Variants in CACHD1 observed in about 807,000 individuals in gnomAD.
CACHD1 encodes cache domain containing 1.
CACHD1 carries 71 observed loss-of-function variants against 138.7 expected under a neutral mutation model. The observed-to-expected ratio is 0.51, with a 90% CI of 0.42 to 0.62. The LOEUF (loss-of-function observed/expected upper bound fraction) is 0.62, where lower values mean the gene tolerates loss of function less well. Ranked by LOEUF, CACHD1 falls within the 20% of genes least tolerant of loss-of-function variation. The probability of loss-of-function intolerance (pLI) is 0.00; values close to 1 mark genes in which losing one functional copy is unlikely to be tolerated. For missense variants in CACHD1, 1,389 were observed against 1,625.3 expected, an observed-to-expected ratio of 0.85 and a Z score of 2.50; for synonymous variants, 578 against 591.5, an observed-to-expected ratio of 0.98 and a Z score of 0.33.
intron 6 of CACHD1, among the ~76,000 whole-genome samples, chr1:64,633,686 A>AC (rs1648393790): frequency 6.6e-6 from 1 of 152,082 alleles, no homozygotes; most frequent in African/African-American, 2.4e-5. Context: ...AAACACACAC[A>AC]CCTCACTCTC....
chr1:64,689,783 T>G (rs1372690133), intron 26 of CACHD1, among the ~76,000 whole-genome samples: 1 of 152,182 alleles, frequency 6.6e-6, no homozygotes, highest in African/African-American at 2.4e-5. Context: ...TTTCTTTATA[T>G]CCACTTATCA....
intron 10 of CACHD1, among the ~76,000 whole-genome samples, chr1:64,652,763 A>G (rs1649136842): frequency 6.6e-6 from 1 of 152,218 alleles, no homozygotes; most frequent in African/African-American, 2.4e-5. Context: ...GCAAGGTTGC[A>G]GAGAAAAGGG....
chr1:64,574,868 C>T (rs547301554), intron 2 of CACHD1, among the ~76,000 whole-genome samples: 22 of 152,266 alleles, frequency 1.4e-4, no homozygotes, highest in Middle Eastern at 3.4e-3. Flanking sequence ...GACTACAGCC[C>T]TCTGTGCCAT....
intron 2 of CACHD1, among the ~76,000 whole-genome samples, chr1:64,565,304 C>T (rs1646872625): frequency 6.6e-6 from 1 of 151,872 alleles, no homozygotes; most frequent in Admixed American, 6.6e-5. Context: ...GTTGATTGTG[C>T]TTGCTAAATG....
intron 14 of CACHD1, 159 bp from the exon 15 acceptor site, chr1:64,664,339 T>C: frequency 1.6e-6 from 1 of 641,544 alleles, no homozygotes; most frequent in East Asian, 2.7e-5. Context: ...AGCTTTTATT[T>C]TCACCAAGTT....
rs187559432 is a variant in CACHD1 at position 64,671,408 on chromosome 1, A to G, written c.2388-156A>G. Among the ~76,000 whole-genome samples the G allele has an allele frequency of 2.7e-4, 41 of 152,328 alleles. 1 individual carries two copies. The East Asian group carries it at 7.7e-3, about 29-fold the overall frequency. ...TCATAAAATTTCCATGTTGTGTTAA[A>G]TCAGTCACTTAGTTGATCATTTTTG... On this transcript the variant is annotated intron_variant, in intron 16 of 26. Coordinates refer to ENST00000651257, the MANE Select transcript of CACHD1 (RefSeq NM_020925.4).
chr1:64,664,746 T>C, intron 15 of CACHD1, 67 bp downstream of exon 15: 1 of 1,423,098 alleles, frequency 7.0e-7, no homozygotes, highest in Admixed American at 2.0e-5. Context: ...GGTAAGTACA[T>C]ACAATAAAGC....
At chr1:64,608,245 A>T (rs1045895045) in intron 4 of CACHD1, among the ~76,000 whole-genome samples, 4 of 152,210 alleles carry the variant, frequency 2.6e-5, no homozygotes, top group African/African-American at 9.6e-5. Context: ...CAGTGGCTAC[A>T]TCCCAAAGTC....
chr1:64,507,992 G>T (rs947784668), intron 1 of CACHD1, among the ~76,000 whole-genome samples: 5 of 152,198 alleles, frequency 3.3e-5, no homozygotes, highest in South Asian at 2.1e-4. Flanking sequence ...TTGGCTCAGG[G>T]TTTCATAGGC....
intron 1 of CACHD1, among the ~76,000 whole-genome samples, chr1:64,539,313 G>C (rs949303212): frequency 2.6e-5 from 4 of 151,966 alleles, no homozygotes; most frequent in African/African-American, 9.7e-5. Context: ...TTTATTTCTT[G>C]GCAAATATAC....
At chr1:64,635,670 C>T (rs1420885581) in intron 7 of CACHD1, among the ~76,000 whole-genome samples, 2 of 151,724 alleles carry the variant, frequency 1.3e-5, no homozygotes, top group Non-Finnish European at 2.9e-5. Flanking sequence ...TGTGAGCCAC[C>T]ACGCCTGGCC....
intron 1 of CACHD1, among the ~76,000 whole-genome samples, chr1:64,548,081 G>A (rs1241653246): frequency 1.3e-5 from 2 of 152,176 alleles, no homozygotes; most frequent in Non-Finnish European, 2.9e-5. Context: ...GATAATAAAT[G>A]AGTAAAATAG....
At chr1:64,624,289 G>A (rs1252763832) in intron 4 of CACHD1, among the ~76,000 whole-genome samples, 1 of 152,138 alleles carries the variant, frequency 6.6e-6, no homozygotes, top group Non-Finnish European at 1.5e-5. Context: ...GATCTTTTGT[G>A]GTGAGACTAA....
chr1:64,515,165 T>C (rs994352641), intron 1 of CACHD1, among the ~76,000 whole-genome samples: 4 of 152,250 alleles, frequency 2.6e-5, no homozygotes, highest in African/African-American at 9.6e-5. Context: ...GTATTAATTC[T>C]TAGATTTTCC....
At chr1:64,573,150 A>G (rs1646939110) in intron 2 of CACHD1, among the ~76,000 whole-genome samples, 2 of 152,106 alleles carry the variant, frequency 1.3e-5, no homozygotes, top group African/African-American at 4.8e-5. Context: ...CCCCAATGTG[A>G]TGGTATTTGG....
intron 1 of CACHD1, among the ~76,000 whole-genome samples, chr1:64,521,661 C>T (rs956313483): frequency 1.3e-5 from 2 of 152,090 alleles, no homozygotes; most frequent in African/African-American, 4.8e-5. Context: ...AATAATGCTG[C>T]TGTAAGTGTT....
At position 64,647,955 on chromosome 1, in the gene CACHD1, C is replaced by G. The variant is rs1648966435; in HGVS notation, c.1311C>G (p.Gly437=). The stretch of plus-strand genomic sequence containing the variant: ...TGAGCAACCTGGAGACCACAGTGGG[C>G]AGGTTCTACACAAACCTTCCCAACC... ...NQLSNLETTV[G]RFYTNLPNRM... is the part of the protein sequence containing the mutation. Residue 437 remains glycine, a synonymous_variant, in exon 9 of 27, where the codon GGC becomes GGG. Transcript: ENST00000651257. The G allele has an allele frequency of 3.1e-6, 5 of 1,613,930 alleles. No individual in the cohort carries two copies. In the South Asian group the frequency reaches 5.5e-5, roughly 18 times the overall value.
intron 24 of CACHD1, 41 bp downstream of exon 24, chr1:64,679,797 G>A (rs1007739614): frequency 2.5e-6 from 4 of 1,606,402 alleles, no homozygotes; most frequent in Non-Finnish European, 3.4e-6. Context: ...CAGCAGCCAG[G>A]CTAGAAGGAC....
chr1:64,602,971 A>G (rs1647240032), intron 4 of CACHD1, 59 bp downstream of exon 4: 1 of 1,090,854 alleles, frequency 9.2e-7, no homozygotes, highest in Admixed American at 1.9e-5. Context: ...CAAGTTGAAT[A>G]AACATATTGC....
Sources: allele counts gnomAD v4.1 joint callset (sites outside exome capture counted in the v4.1 genomes callset), GRCh38; gene constraint gnomAD v4.1.1; transcripts MANE v1.5; gene names NCBI Gene and HGNC (gene_info 2026-07-23, HGNC 2026-07-21).